H2AZ2: variants seen among roughly 807,000 people sequenced by gnomAD.
The protein encoded by H2AZ2 is H2A.Z variant histone 2, also known as histone H2A.V.
A neutral mutation model predicts 15.5 loss-of-function variants in H2AZ2; 5 were observed. That is an observed-to-expected ratio of 0.32 (90% CI 0.17 to 0.68). The LOEUF (loss-of-function observed/expected upper bound fraction) is 0.68. H2AZ2 is among the 30% of genes least tolerant of loss of function. H2AZ2 has a pLI of 0.72. For synonymous variants in H2AZ2, 44 were observed against 57.4 expected (o/e 0.77, Z 1.05); for missense variants, 42 against 162.5 (o/e 0.26, Z 4.03).
intron 1 of H2AZ2, 76 bp downstream of exon 1, chr7:44,847,893 T>C (rs1185164512): frequency 1.3e-6 from 2 of 1,524,860 alleles, no homozygotes; most frequent in Non-Finnish European, 1.7e-6. Context: ...ACTCCACAGG[T>C]AGCGGCGCCG....
At chr7:44,830,587 C>T (rs892173144), downstream of H2AZ2, among the ~76,000 whole-genome samples, 2 of 152,172 alleles carry the variant, frequency 1.3e-5, no homozygotes, top group African/African-American at 4.8e-5. Flanking sequence ...AAGAAAAATC[C>T]TTCTTCTCTC....
chr7:44,831,369 A>G (rs898347966), downstream of H2AZ2, among the ~76,000 whole-genome samples: 15 of 152,126 alleles, frequency 9.9e-5, no homozygotes, highest in African/African-American at 3.6e-4. Context: ...TTTTTGTTAG[A>G]AAACAAATTG....
At position 44,848,085 on chromosome 7, in the gene H2AZ2, C is replaced by T. The variant is rs1050437374; in HGVS notation, c.-114G>A. On this transcript the variant is annotated 5_prime_UTR_variant, in exon 1 of 5. Transcript: ENST00000308153. ...CCGCCGCCGGAGCCGGACAATACCC[C>T]GTGCCCGCCTCGCGCTGCTGTGGCC... 1.8e-6 allele frequency: 1 copy of T among 553,804 alleles called. No individual in the cohort carries two copies. The highest frequency in any genetic ancestry group is 2.7e-6 in the Non-Finnish European group (1 of 376,842). 34.3% of individuals were successfully genotyped at this position (553,804 alleles called of 1,614,324 possible).
chr7:44,827,104 A>G (rs1792935466), downstream of H2AZ2: 1 of 152,206 alleles, frequency 6.6e-6, no homozygotes, highest in African/African-American at 2.4e-5. Flanking sequence ...ATCTGCGAAA[A>G]AAAGTGTGGG....
chr7:44,841,906 C>T (rs1562788418), intron 2 of H2AZ2, among the ~76,000 whole-genome samples: 1 of 152,178 alleles, frequency 6.6e-6, no homozygotes, highest in Non-Finnish European at 1.5e-5. Flanking sequence ...AAACTGCTTC[C>T]AGTTACAGTC....
downstream of H2AZ2, among the ~76,000 whole-genome samples, chr7:44,831,889 G>C (rs1049310774): frequency 1.3e-5 from 2 of 152,106 alleles, no homozygotes; most frequent in Non-Finnish European, 2.9e-5. Context: ...TACAAGATGA[G>C]AGCCATTATG....
rs1562784210 is a variant in H2AZ2, at chr7:44,833,209, C to T, written c.*1292G>A. 6.6e-6 allele frequency among the ~76,000 whole-genome samples: 1 copy of T among 151,822 alleles called. No individual in the cohort carries two copies. The highest frequency in any genetic ancestry group is 6.6e-5 in the Admixed American group (1 of 15,218). ...GACAACATGTGTGTACCATGCCTGGCTAATTTCTGTATTTTTAGTAGAGAC... is the reference window on the plus strand; with the variant it reads ...GACAACATGTGTGTACCATGCCTGGTTAATTTCTGTATTTTTAGTAGAGAC... On this transcript the variant is annotated 3_prime_UTR_variant, in exon 5 of 5. Transcript: ENST00000308153.
chr7:44,835,405 G>A, intron 4 of H2AZ2, 124 bp downstream of exon 4: 1 of 658,216 alleles, frequency 1.5e-6, no homozygotes. Context: ...TATAGATTTA[G>A]TATTTATGAA....
At position 44,848,047 on chromosome 7, in the gene H2AZ2, G is replaced by A; in HGVS notation, c.-76C>T. 2 of 992,734 alleles carry A rather than the reference G, an allele frequency of 2.0e-6. No homozygotes were observed. Among genetic ancestry groups the A allele is most frequent in the Non-Finnish European group, 2.6e-6 (2 of 769,234 alleles). 61.5% of individuals were successfully genotyped at this position (992,734 alleles called of 1,614,324 possible). On this transcript the variant is annotated 5_prime_UTR_variant, in exon 1 of 5. Coordinates refer to ENST00000308153, the MANE Select transcript of H2AZ2 (RefSeq NM_012412.5). ...GACCCGCGCCGCCGCCGCCGCTCTC[G>A]CAGCACCGACCGCCGCCGCCGGAGC...
downstream of H2AZ2, chr7:44,830,088 T>TG: frequency 6.4e-7 from 1 of 1,564,970 alleles, no homozygotes; most frequent in East Asian, 2.2e-5. Context: ...AGTAGAATCT[T>TG]GTTCCACTAA....
intron 1 of H2AZ2, 48 bp downstream of exon 1, chr7:44,847,921 C>T (rs764440140): frequency 7.2e-6 from 11 of 1,531,956 alleles, no homozygotes; most frequent in Non-Finnish European, 8.7e-6. Context: ...GGCCTCCGCG[C>T]TCTGCTCTCC....
At chr7:44,837,401 C>T (rs1350565541) in intron 3 of H2AZ2, among the ~76,000 whole-genome samples, 5 of 109,076 alleles carry the variant, frequency 4.6e-5, no homozygotes, top group South Asian at 3.3e-4. Flanking sequence ...CCAGCCTGGG[C>T]GACAGAGCAA....
chr7:44,846,024 TACACACACACACACACAC>T (rs10573522), intron 1 of H2AZ2, among the ~76,000 whole-genome samples: 4 of 132,750 alleles, frequency 3.0e-5, no homozygotes, highest in South Asian at 5.0e-4. Flanking sequence ...TTTAAAAAAT[TACACACACACACACACAC>T]ACACACACAC....
At chr7:44,831,465 C>T (rs1320518574), downstream of H2AZ2, among the ~76,000 whole-genome samples, 2 of 152,072 alleles carry the variant, frequency 1.3e-5, no homozygotes, top group South Asian at 2.1e-4. Context: ...ATCTATAAAA[C>T]TGTAGTAAAA....
At chr7:44,838,770 G>A (rs1040033641) in intron 3 of H2AZ2, among the ~76,000 whole-genome samples, 3 of 152,184 alleles carry the variant, frequency 2.0e-5, no homozygotes, top group African/African-American at 7.2e-5. Context: ...GGACACAGAT[G>A]ACTTGGTGAG....
At chr7:44,828,290 T>C (rs1435560638), downstream of H2AZ2, 1 of 152,228 alleles carries the variant, frequency 6.6e-6, no homozygotes, top group Admixed American at 6.5e-5. Flanking sequence ...GTGACTGGTC[T>C]GGGAGTCCCA....
intron 3 of H2AZ2, among the ~76,000 whole-genome samples, chr7:44,840,561 A>C (rs76857102): frequency 6.6e-6 from 1 of 152,208 alleles, no homozygotes; most frequent in Non-Finnish European, 1.5e-5. Flanking sequence ...ACCTGAGGTC[A>C]GGAGTTTGAG....
chr7:44,847,288 C>A (rs1161870225), intron 1 of H2AZ2, among the ~76,000 whole-genome samples: 1 of 152,164 alleles, frequency 6.6e-6, no homozygotes, highest in Non-Finnish European at 1.5e-5. Context: ...CCACACTCTT[C>A]TTATCTAGAT....
At chr7:44,843,412 T>A in intron 1 of H2AZ2, 58 bp from the exon 2 acceptor site, 2 of 1,172,844 alleles carry the variant, frequency 1.7e-6, no homozygotes, top group Non-Finnish European at 2.5e-6. Context: ...ACTTCAAAAA[T>A]ATTCTGGAAA....
Sources: allele counts gnomAD v4.1 joint callset (sites outside exome capture counted in the v4.1 genomes callset), GRCh38; gene constraint gnomAD v4.1.1; transcripts MANE v1.5; gene names NCBI Gene and HGNC (gene_info 2026-07-23, HGNC 2026-07-21).